MMP12: variants seen among roughly 807,000 people sequenced by gnomAD.
MMP12 encodes the protein matrix metallopeptidase 12, also known as macrophage metalloelastase.
A neutral mutation model predicts 45.2 loss-of-function variants in MMP12; 51 were observed. That is an observed-to-expected ratio of 1.13 (90% confidence interval 0.90 to 1.42). MMP12 has a LOEUF of 1.42. MMP12 is among the 40% of genes most tolerant of loss of function. The pLI is 0.00. For synonymous variants in MMP12, 210 were observed against 193.3 expected (o/e 1.09, Z -0.72); for missense variants, 530 against 570.8 (o/e 0.93, Z 0.73).
At chr11:102,866,507 A>G (rs1339644698) in intron 6 of MMP12, 59 bp from the exon 7 acceptor site, 3 of 1,563,266 alleles carry the variant, frequency 1.9e-6, no homozygotes, top group African/African-American at 2.7e-5. Flanking sequence ...GAACCATGGC[A>G]TGTGAATGGG....
intron 7 of MMP12, 64 bp downstream of exon 7, chr11:102,866,251 T>C: frequency 2.8e-6 from 4 of 1,428,520 alleles, no homozygotes; most frequent in Non-Finnish European, 3.8e-6. Context: ...AAAGTAGTAG[T>C]CTCTTCTCAA....
chr11:102,867,303 G>T lies in MMP12; in HGVS notation c.878C>A (p.Thr293Asn), dbSNP rs199504446. ...DPNLSFDAVT[T>N]VGNKIFFFKD... The stretch of plus-strand genomic sequence containing the variant: ...GAAGAAAAAGATCTTATTTCCCACG[G>T]TAGTGACAGCATCAAAACTCAAATT... The change falls in exon 6 of 10, where the codon ACC (threonine) becomes AAC (asparagine). Residue 293 changes from threonine (T) to asparagine (N), a missense_variant. Physicochemically the swap from Thr to Asn is moderately conservative, Grantham distance 65. Transcript: ENST00000571244. The T allele has an allele frequency of 1.2e-6, 2 of 1,608,272 alleles. No homozygotes were observed. The highest frequency in any genetic ancestry group is 1.7e-6 in the Non-Finnish European group (2 of 1,177,154).
At chr11:102,869,698 G>A (rs1251126957) in intron 4 of MMP12, among the ~76,000 whole-genome samples, 2 of 151,708 alleles carry the variant, frequency 1.3e-5, no homozygotes, top group Non-Finnish European at 2.9e-5. Context: ...ATCACCTGAG[G>A]TCAGGAGTTC....
chr11:102,874,048 AAAAG>A (rs1333789591), intron 1 of MMP12, among the ~76,000 whole-genome samples: 1 of 151,292 alleles, frequency 6.6e-6, no homozygotes, highest in Non-Finnish European at 1.5e-5. Flanking sequence ...AAAAAAAAGA[AAAAG>A]AAAAGAAAAC....
chr11:102,867,288 A>T lies in MMP12; in HGVS notation c.893T>A (p.Ile298Asn), dbSNP rs551407837. 1.7e-5 allele frequency: 28 copies of T among 1,601,720 alleles called. No individual in the cohort carries two copies. In the East Asian group the frequency reaches 5.8e-4, roughly 33 times the overall value. ...ATCCTACCTGTCTTTGAAGAAAAAG[A>T]TCTTATTTCCCACGGTAGTGACAGC... ...FDAVTTVGNK[I>N]FFFKDRFFWL... is the part of the protein sequence containing the mutation. The change falls in exon 6 of 10, where the codon ATC (isoleucine) becomes AAC (asparagine). Residue 298 changes from isoleucine (I) to asparagine (N), a missense_variant. Coordinates refer to ENST00000571244, the MANE Select transcript of MMP12 (RefSeq NM_002426.6).
chr11:102,869,516 A>G (rs782732869), intron 4 of MMP12, among the ~76,000 whole-genome samples: 10 of 152,134 alleles, frequency 6.6e-5, no homozygotes, highest in Non-Finnish European at 1.0e-4. Context: ...TGAATTGTGT[A>G]CTTTTCATCT....
chr11:102,872,009 C>T, intron 2 of MMP12, 57 bp from the exon 3 acceptor site: 1 of 1,487,924 alleles, frequency 6.7e-7, no homozygotes, highest in Non-Finnish European at 9.0e-7. Flanking sequence ...TTTTGTCTTA[C>T]CACAATACTT....
At position 102,865,096 on chromosome 11, in the gene MMP12, C is replaced by T. The variant is rs1168598955; in HGVS notation, c.1205+680G>A. 6.6e-6 allele frequency among the ~76,000 whole-genome samples: 1 copy of T among 151,946 alleles called. No individual in the cohort carries two copies. Among genetic ancestry groups the T allele is most frequent in the Non-Finnish European group, 1.5e-5 (1 of 67,938 alleles). ...GTGGACAAATTCAAGTCATAAGCAT[C>T]CGGTATTCAATTGGAATTAGATATT... On this transcript the variant is annotated intron_variant, in intron 8 of 9. Coordinates refer to ENST00000571244, the MANE Select transcript of MMP12 (RefSeq NM_002426.6). This position sits in a 1 kb window ranked among gnomAD's most constrained non-coding sequence, Gnocchi z 4.1.
intron 4 of MMP12, among the ~76,000 whole-genome samples, chr11:102,868,444 C>A (rs575195172): frequency 6.6e-6 from 1 of 152,314 alleles, no homozygotes; most frequent in South Asian, 2.1e-4. Context: ...CCTAGAATAA[C>A]TCACAGCTGC....
At position 102,865,882 on chromosome 11, in the gene MMP12, T is replaced by C. The variant is rs781805191; in HGVS notation, c.1099A>G (p.Ser367Gly). ...NLRPEPNYPK[S>G]IHSFGFPNFV... ...TTAGGAAAACCAAAAGAATGTATGC[T>C]CTTGGGATAATTTGGCTCTGGTCTT... The change falls in exon 8 of 10, where the codon AGC becomes GGC. Residue 367 changes from serine to glycine, a missense_variant. Physicochemically the swap from Ser to Gly is moderately conservative, Grantham distance 56. Coordinates refer to ENST00000571244, the MANE Select transcript of MMP12 (RefSeq NM_002426.6). This position sits in a 1 kb window ranked among gnomAD's most constrained non-coding sequence, Gnocchi z 4.1. 1 of 1,613,190 alleles carries C rather than the reference T, an allele frequency of 6.2e-7. No homozygotes were observed. Among genetic ancestry groups the C allele is most frequent in the Admixed American group, 1.7e-5 (1 of 59,976 alleles).
Position 102,866,422 on chromosome 11 carries a change from C to T in MMP12, c.938G>A (p.Arg313Lys), listed in dbSNP as rs782262201. The change falls in exon 7 of 10, where the codon AGA (arginine) becomes AAA (lysine). Residue 313 changes from arginine to lysine, a missense_variant. By Grantham distance (26) the Arg-to-Lys change is conservative. Coordinates refer to ENST00000571244, the MANE Select transcript of MMP12 (RefSeq NM_002426.6). ...DRFFWLKVSERPKTSVNLISS... is the reference protein window; with the variant it reads ...DRFFWLKVSEKPKTSVNLISS... ...AATTAAATTAACACTGGTCTTTGGT[C>T]TCTCAGAAACCTTCAGCCAGAAGAA... 6.2e-7 allele frequency: 1 copy of T among 1,610,500 alleles called. No individual in the cohort carries two copies. Among genetic ancestry groups the T allele is most frequent in the Non-Finnish European group, 8.5e-7 (1 of 1,178,420 alleles).
Position 102,867,950 on chromosome 11 carries a change from G to A in MMP12, c.745C>T (p.Arg249Cys), listed in dbSNP as rs183458117. Residue 249 changes from arginine to cysteine, a missense_variant, in exon 5 of 10, where the codon CGC (arginine) becomes TGC (cysteine). Transcript: ENST00000571244. ...CCACGTATGTCATCAGCAGAGAGGCGAAATGTGTTGATGTCAACATATTTG... is the reference window on the plus strand; with the variant it reads ...CCACGTATGTCATCAGCAGAGAGGCAAAATGTGTTGATGTCAACATATTTG... ...TYKYVDINTF[R>C]LSADDIRGIQ... 2.2e-5 allele frequency: 35 copies of A among 1,609,952 alleles called. No individual in the cohort carries two copies. Among genetic ancestry groups the A allele is most frequent in the Admixed American group, 3.4e-5 (2 of 59,450 alleles).
chr11:102,869,851 G>A (rs782604437), intron 4 of MMP12, among the ~76,000 whole-genome samples: 2 of 151,986 alleles, frequency 1.3e-5, no homozygotes, highest in Non-Finnish European at 2.9e-5. Flanking sequence ...CCCTGGAGGC[G>A]AAGGTTGCAG....
At chr11:102,863,987 T>C (rs540737480) in intron 9 of MMP12, among the ~76,000 whole-genome samples, 159 bp downstream of exon 9, 1 of 152,352 alleles carries the variant, frequency 6.6e-6, no homozygotes, top group Admixed American at 6.5e-5. Context: ...CTAACTCTCC[T>C]ATTCAGAGCC....
At chr11:102,874,174 T>G (rs1319114685) in intron 1 of MMP12, among the ~76,000 whole-genome samples, 1 of 151,690 alleles carries the variant, frequency 6.6e-6, no homozygotes, top group Non-Finnish European at 1.5e-5. Context: ...AATGTTAAAA[T>G]CATCTTAGAA....
At chr11:102,870,206 A>AT (rs34935052) in intron 4 of MMP12, among the ~76,000 whole-genome samples, 1 of 152,112 alleles carries the variant, frequency 6.6e-6, no homozygotes, top group Non-Finnish European at 1.5e-5. Context: ...ATTCCAAAAC[A>AT]TTTTTTTGAG....
rs199886633 is a variant in MMP12, at chr11:102,868,062, G to A, written c.633C>T (p.Asn211=). The change falls in exon 5 of 10, where the codon AAC becomes AAT. Residue 211 remains asparagine, a synonymous_variant. Transcript: ENST00000571244. ...EFWTTHSGGT[N]LFLTAVHEIG... ...TCTCGTGAACAGCAGTGAGGAACAA[G>A]TTTGTGCCTAAGAAGAAACCAACCA... 3.1e-6 allele frequency: 5 copies of A among 1,594,214 alleles called. No individual in the cohort carries two copies. The South Asian group carries it at 5.7e-5, about 18-fold the overall frequency.
Position 102,871,939 on chromosome 11 carries a change from T to A in MMP12, c.364A>T (p.Thr122Ser). ...ACATCCTCACGGTTCATGTCAGGTG[T>A]GTAATTATTGATTCTTTATCAGCAA... is the stretch of plus-strand genomic sequence containing the variant. ...HYITYRINNYTPDMNREDVDY... is the reference protein window; with the variant it reads ...HYITYRINNYSPDMNREDVDY... The change falls in exon 3 of 10, where the codon ACA becomes TCA. Residue 122 changes from threonine to serine, a missense_variant. Thr to Ser is a moderately conservative substitution (Grantham distance 58). Transcript: ENST00000571244. 1 of 1,606,366 alleles carries A rather than the reference T, an allele frequency of 6.2e-7. No individual in the cohort carries two copies. Among genetic ancestry groups the A allele is most frequent in the Non-Finnish European group, 8.5e-7 (1 of 1,177,498 alleles).
At chr11:102,872,433 T>C (rs1377859269) in intron 2 of MMP12, among the ~76,000 whole-genome samples, 3 of 152,090 alleles carry the variant, frequency 2.0e-5, no homozygotes, top group African/African-American at 7.2e-5. Flanking sequence ...CTCCGCCTCC[T>C]GGGTTCACGC....
Sources: gnomAD v4.1 joint callset for allele counts (sites outside exome capture counted in the v4.1 genomes callset) on GRCh38, gnomAD v4.1.1 for gene constraint, Gnocchi (gnomAD v3.1) non-coding constraint, MANE v1.5 for transcripts, NCBI Gene and HGNC (gene_info 2026-07-23, HGNC 2026-07-21) for gene names.